Variants in RANBP17 observed in about 807,000 individuals in gnomAD.
The protein encoded by RANBP17 is ran-binding protein 17.
Under a neutral mutation model 141.2 loss-of-function variants are expected in RANBP17, and 158 were observed. The observed-to-expected ratio is 1.12, with a 90% CI of 0.98 to 1.28. The LOEUF is 1.28. RANBP17 is among the 50% of genes most tolerant of loss of function. RANBP17 has a pLI of 0.00. For synonymous variants in RANBP17, 430 were observed against 450.0 expected (o/e 0.96, Z 0.56); for missense variants, 1,438 against 1,290.7 (o/e 1.11, Z -1.75).
At chr5:171,041,909 A>T (rs1187790780) in intron 14 of RANBP17, among the ~76,000 whole-genome samples, 1 of 151,794 alleles carries the variant, frequency 6.6e-6, no homozygotes, top group Non-Finnish European at 1.5e-5. Context: ...TGCACCCCCG[A>T]CAGGCCCTGG....
At chr5:171,064,152 A>G (rs936189803) in intron 14 of RANBP17, among the ~76,000 whole-genome samples, 1 of 152,204 alleles carries the variant, frequency 6.6e-6, no homozygotes, top group East Asian at 1.9e-4. Context: ...CGGCTCACAC[A>G]CGGTGCGCTG....
At chr5:171,078,257 C>T (rs1190296418) in intron 14 of RANBP17, among the ~76,000 whole-genome samples, 2 of 151,730 alleles carry the variant, frequency 1.3e-5, no homozygotes, top group Admixed American at 1.3e-4. Flanking sequence ...CTCACTCAGC[C>T]TCCCAAGTGA....
At chr5:171,282,681 T>C (rs2128037914) in intron 25 of RANBP17, among the ~76,000 whole-genome samples, 1 of 152,158 alleles carries the variant, frequency 6.6e-6, no homozygotes, top group East Asian at 1.9e-4. Context: ...GGTTTCACGA[T>C]GTTGGCCAGG....
intron 21 of RANBP17, among the ~76,000 whole-genome samples, chr5:171,219,911 T>A (rs1472196881): frequency 6.6e-6 from 1 of 152,054 alleles, no homozygotes; most frequent in African/African-American, 2.4e-5. Context: ...TCAAACTCAT[T>A]CTCCGTCCAG....
intron 14 of RANBP17, among the ~76,000 whole-genome samples, chr5:171,073,432 A>C (rs1784740624): frequency 6.6e-6 from 1 of 152,150 alleles, no homozygotes; most frequent in Admixed American, 6.5e-5. Context: ...TCTAGGAATG[A>C]ACAATAAGTG....
At chr5:171,277,938 C>CTT (rs140208253) in intron 25 of RANBP17, among the ~76,000 whole-genome samples, 29 of 72,264 alleles carry the variant, frequency 4.0e-4, no homozygotes, top group Middle Eastern at 0.018. Flanking sequence ...GGACTTCTTT[C>CTT]TTTTTTTTTT....
chr5:171,016,812 G>C (rs370217416), intron 14 of RANBP17, among the ~76,000 whole-genome samples: 1 of 151,418 alleles, frequency 6.6e-6, no homozygotes, highest in African/African-American at 2.4e-5. Context: ...CGGGATACAC[G>C]TGCAGAACGT....
Position 170,953,701 on chromosome 5 carries a change from C to T in RANBP17, c.1573C>T (p.Arg525Ter), listed in dbSNP as rs751646096. The change falls in exon 13 of 28, where the codon CGA (arginine) becomes TGA (stop). Residue 525 changes from arginine (R) to a stop codon, truncating the protein, a stop_gained and splice_region_variant. Transcript: ENST00000523189. LOFTEE classifies it high-confidence loss of function. ...HDAMDGELSCRVFQLISLMDT... is the reference protein window; with the variant it reads ...HDAMDGELSC ...TGCTATGGATGGAGAATTATCCTGTCGGTAAGTAAGAGCTATGTAATTTAC... is the reference window on the plus strand; with the variant it reads ...TGCTATGGATGGAGAATTATCCTGTTGGTAAGTAAGAGCTATGTAATTTAC... The T allele has an allele frequency of 2.1e-5, 33 of 1,572,094 alleles. No homozygotes were observed. The highest frequency in any genetic ancestry group is 4.1e-5 in the African/African-American group (3 of 73,868).
chr5:170,989,339 A>T (rs1778352506), intron 14 of RANBP17, among the ~76,000 whole-genome samples: 1 of 151,750 alleles, frequency 6.6e-6, no homozygotes, highest in African/African-American at 2.4e-5. Flanking sequence ...TCCATATATT[A>T]TGATGGCTTG....
At chr5:171,060,381 G>C (rs1421869104) in intron 14 of RANBP17, among the ~76,000 whole-genome samples, 3 of 151,930 alleles carry the variant, frequency 2.0e-5, no homozygotes, top group African/African-American at 7.3e-5. Flanking sequence ...TGAAGGTGTT[G>C]AATTTTGTCA....
intron 14 of RANBP17, among the ~76,000 whole-genome samples, chr5:171,032,735 T>G (rs981325785): frequency 6.6e-6 from 1 of 152,132 alleles, no homozygotes; most frequent in African/African-American, 2.4e-5. Context: ...TTACAGCCCA[T>G]CATACATCAT....
chr5:171,153,148 T>C (rs4867646), intron 14 of RANBP17, among the ~76,000 whole-genome samples: 107,074 of 152,046 alleles, frequency 0.7, 37,860 homozygotes, highest in South Asian at 0.86. Context: ...GATTGGATAT[T>C]GATTAGAGTG....
At chr5:171,235,501 T>C (rs909808881) in intron 22 of RANBP17, among the ~76,000 whole-genome samples, 6 of 152,056 alleles carry the variant, frequency 3.9e-5, no homozygotes, top group Non-Finnish European at 7.4e-5. Context: ...TGTTGAGGGA[T>C]TGACTTTTAC....
In RANBP17 at chr5:171,206,465, A is replaced by G. The variant is rs114260780; in HGVS notation, c.2231+853A>G. On this transcript the variant is annotated intron_variant, in intron 20 of 27. Transcript: ENST00000523189. ...ATGTTTGATCCCAGCAGGAAGTGAT[A>G]TTGTATGCAAGTCATCTAAGTGTTA... 8.4e-3 allele frequency: 1,302 copies of G among 154,782 alleles called. 20 individuals carry two copies. The highest frequency in any genetic ancestry group is 0.03 in the African/African-American group (1,257 of 41,660). 9.6% of individuals were successfully genotyped at this position (154,782 alleles called of 1,614,324 possible).
chr5:171,236,500 A>G (rs1251359376), intron 22 of RANBP17, among the ~76,000 whole-genome samples: 2 of 152,192 alleles, frequency 1.3e-5, no homozygotes, highest in African/African-American at 4.8e-5. Flanking sequence ...CTGTCAAATG[A>G]TAGAGTATTG....
At chr5:171,103,435 G>A (rs1055458732) in intron 14 of RANBP17, among the ~76,000 whole-genome samples, 1 of 152,108 alleles carries the variant, frequency 6.6e-6, no homozygotes, top group Non-Finnish European at 1.5e-5. Context: ...CTTGGTAATG[G>A]TGGATTCCCC....
rs771109448 is a variant in RANBP17, at chr5:171,299,517, T to C, written c.*659T>C. ...GGTTCAGTCTAGAAGAATTAAGCTG[T>C]GCAATTACTGCCTGCAGAGATATTT... On this transcript the variant is annotated 3_prime_UTR_variant, in exon 28 of 28. Transcript: ENST00000523189. The C allele has an allele frequency of 5.6e-5, 13 of 232,134 alleles. No individual in the cohort carries two copies. The highest frequency in any genetic ancestry group is 9.4e-5 in the Non-Finnish European group (11 of 117,178). The allele number at this position is 232,134 out of a possible 1,614,324, so 14.4% of individuals were successfully genotyped here.
At chr5:171,252,173 G>A (rs1765615351) in intron 24 of RANBP17, 4 of 1,582,342 alleles carry the variant, frequency 2.5e-6, no homozygotes, top group Admixed American at 1.7e-5. Context: ...ACAACTACAT[G>A]CAACAAGATC....
intron 14 of RANBP17, among the ~76,000 whole-genome samples, chr5:171,046,087 T>G (rs184247772): frequency 6.6e-6 from 1 of 152,308 alleles, no homozygotes; most frequent in African/African-American, 2.4e-5. Context: ...AACACTAATA[T>G]CAGTTTTTGA....
Sources: gnomAD v4.1 joint callset for allele counts (sites outside exome capture counted in the v4.1 genomes callset) on GRCh38, gnomAD v4.1.1 for gene constraint, MANE v1.5 for transcripts, NCBI Gene and HGNC (gene_info 2026-07-23, HGNC 2026-07-21) for gene names.